The following ARHGAP32 variants were observed in gnomAD, a reference collection of about 807,000 sequenced individuals.
The protein encoded by ARHGAP32 is rho GTPase-activating protein 32.
A neutral mutation model predicts 186.5 loss-of-function variants in ARHGAP32; 51 were observed. That is an observed-to-expected ratio of 0.27 (90% CI 0.22 to 0.35). The LOEUF is 0.35. Ranked by LOEUF, ARHGAP32 falls within the 10% of genes least tolerant of loss-of-function variation. The probability of loss-of-function intolerance (pLI) is 1.00; values close to 1 mark genes in which losing one functional copy is unlikely to be tolerated. For missense variants in ARHGAP32, 2,186 were observed against 2,623.5 expected, an observed-to-expected ratio of 0.83 and a Z score of 3.64; for synonymous variants, 950 against 964.3, an observed-to-expected ratio of 0.99 and a Z score of 0.27.
intron 11 of ARHGAP32, among the ~76,000 whole-genome samples, chr11:129,011,471 G>T (rs1938076161): frequency 6.6e-6 from 1 of 152,158 alleles, no homozygotes; most frequent in South Asian, 2.1e-4. Context: ...TAAACAGAGA[G>T]TTAAGGAACA....
intron 2 of ARHGAP32, among the ~76,000 whole-genome samples, chr11:129,150,082 T>C (rs943598155): frequency 1.3e-5 from 2 of 149,962 alleles, no homozygotes; most frequent in East Asian, 1.9e-4. Flanking sequence ...AAATTAACTT[T>C]TGGCTTTCAA....
intron 1 of ARHGAP32, among the ~76,000 whole-genome samples, chr11:129,240,984 T>C (rs534415901): frequency 6.6e-6 from 1 of 152,360 alleles, no homozygotes; most frequent in South Asian, 2.1e-4. Flanking sequence ...AATATGGACT[T>C]AGGAATGAGA....
At chr11:129,201,076 C>T (rs914859705) in intron 1 of ARHGAP32, among the ~76,000 whole-genome samples, 1 of 152,108 alleles carries the variant, frequency 6.6e-6, no homozygotes, top group African/African-American at 2.4e-5. Context: ...ATTCTTCCTT[C>T]ATCACATTAA....
intron 6 of ARHGAP32, among the ~76,000 whole-genome samples, chr11:129,071,272 G>A (rs1408460666): frequency 6.6e-6 from 1 of 151,696 alleles, no homozygotes; most frequent in Non-Finnish European, 1.5e-5. Context: ...GATTATCAGG[G>A]CAAAGAAAAC....
chr11:129,083,701 C>CA (rs1941293467), intron 6 of ARHGAP32, among the ~76,000 whole-genome samples: 1 of 151,978 alleles, frequency 6.6e-6, no homozygotes, highest in Non-Finnish European at 1.5e-5. Context: ...ACCGCTTCCC[C>CA]AAAAAGCTAT....
intron 6 of ARHGAP32, among the ~76,000 whole-genome samples, chr11:129,075,874 G>A (rs138657632): frequency 1.1e-3 from 161 of 152,278 alleles, no homozygotes; most frequent in African/African-American, 3.6e-3. Context: ...GTGAAATGAG[G>A]CTGAGACCTA....
At chr11:129,219,577 T>C (rs1335776444) in intron 1 of ARHGAP32, among the ~76,000 whole-genome samples, 1 of 152,194 alleles carries the variant, frequency 6.6e-6, no homozygotes, top group Non-Finnish European at 1.5e-5. Context: ...AAAATCACAC[T>C]GTCTGGCAAT....
Position 128,970,033 on chromosome 11 carries a change from G to A in ARHGAP32, c.5180C>T (p.Ala1727Val). The A allele has an allele frequency of 1.2e-6, 2 of 1,614,198 alleles. No homozygotes were observed. The highest frequency in any genetic ancestry group is 8.5e-7 in the Non-Finnish European group (1 of 1,180,040). ...SYAGLAPRPRANVTGYFSPND... is the reference protein window; with the variant it reads ...SYAGLAPRPRVNVTGYFSPND... ...GGGAGAGAAATAGCCAGTCACGTTGGCCCGGGGACGTGGAGCCAAACCAGC... is the reference window on the plus strand; with the variant it reads ...GGGAGAGAAATAGCCAGTCACGTTGACCCGGGGACGTGGAGCCAAACCAGC... Residue 1727 changes from alanine (A) to valine (V), a missense_variant, in exon 23 of 23, where the codon GCC becomes GTC. Transcript: ENST00000682385. The surrounding 1 kb of genome is among the most constrained non-coding windows in gnomAD (Gnocchi z 5.8).
At chr11:129,079,942 A>G (rs948084576) in intron 6 of ARHGAP32, among the ~76,000 whole-genome samples, 3 of 151,746 alleles carry the variant, frequency 2.0e-5, no homozygotes, top group African/African-American at 7.3e-5. Context: ...AAAAGTGAGC[A>G]GGAGTAGCTA....
intron 1 of ARHGAP32, among the ~76,000 whole-genome samples, chr11:129,173,598 G>T (rs1260539166): frequency 6.6e-6 from 1 of 152,184 alleles, no homozygotes; most frequent in Non-Finnish European, 1.5e-5. Flanking sequence ...GAATCCAGCA[G>T]CACATCAAAG....
intron 9 of ARHGAP32, 53 bp from the exon 10 acceptor site, chr11:129,062,410 T>C: frequency 7.0e-7 from 1 of 1,425,334 alleles, no homozygotes; most frequent in Non-Finnish European, 9.9e-7. Flanking sequence ...TTTAAACCAA[T>C]TGTTATACCT....
intron 1 of ARHGAP32, among the ~76,000 whole-genome samples, chr11:129,198,964 G>A (rs1324611911): frequency 6.6e-6 from 1 of 152,186 alleles, no homozygotes; most frequent in Non-Finnish European, 1.5e-5. Context: ...AGATGGAGAT[G>A]AGGAACTTGT....
intron 11 of ARHGAP32, among the ~76,000 whole-genome samples, chr11:129,007,580 G>A (rs1359111698): frequency 6.6e-6 from 1 of 151,950 alleles, no homozygotes; most frequent in Admixed American, 6.6e-5. Flanking sequence ...TGGCTGAGCT[G>A]GTATCCAAGA....
At chr11:129,209,322 G>A (rs1228158984) in intron 1 of ARHGAP32, among the ~76,000 whole-genome samples, 1 of 151,876 alleles carries the variant, frequency 6.6e-6, no homozygotes. Context: ...TTAGAGAGAG[G>A]CAAGAGAGGA....
At chr11:129,263,626 G>C (rs919183731) in intron 1 of ARHGAP32, among the ~76,000 whole-genome samples, 9 of 144,032 alleles carry the variant, frequency 6.2e-5, no homozygotes, top group African/African-American at 2.3e-4. Context: ...GGGAGAGGGG[G>C]AGGGGAGAGG....
chr11:129,129,623 T>C (rs1942764957), intron 2 of ARHGAP32, among the ~76,000 whole-genome samples: 1 of 152,128 alleles, frequency 6.6e-6, no homozygotes, highest in Non-Finnish European at 1.5e-5. Context: ...GAAAGAGAGA[T>C]CAGATTGTTA....
At chr11:129,039,586 G>C (rs892951800) in intron 11 of ARHGAP32, among the ~76,000 whole-genome samples, 1 of 152,234 alleles carries the variant, frequency 6.6e-6, no homozygotes. Flanking sequence ...GAGGGGAGCA[G>C]TGTCCGCTAA....
At chr11:129,125,787 C>T (rs1262193761) in intron 2 of ARHGAP32, 3 of 345,658 alleles carry the variant, frequency 8.7e-6, no homozygotes, top group East Asian at 7.6e-5. Flanking sequence ...TTCAATTTTC[C>T]TTTTTGAGGG....
chr11:129,178,709 G>A (rs1217181706), intron 1 of ARHGAP32, among the ~76,000 whole-genome samples: 3 of 151,894 alleles, frequency 2.0e-5, no homozygotes, highest in African/African-American at 7.3e-5. Flanking sequence ...TCCCTATTTA[G>A]TAAATGGTGC....
Sources: gnomAD v4.1 joint callset for allele counts (sites outside exome capture counted in the v4.1 genomes callset) on GRCh38, gnomAD v4.1.1 for gene constraint, Gnocchi (gnomAD v3.1) non-coding constraint, MANE v1.5 for transcripts, NCBI Gene and HGNC (gene_info 2026-07-23, HGNC 2026-07-21) for gene names.